The following GFRA2 variants were observed in gnomAD, a reference collection of about 807,000 sequenced individuals.
GFRA2 encodes GDNF family receptor alpha 2.
GFRA2 carries 17 observed loss-of-function variants against 48.3 expected under a neutral mutation model. The ratio of observed to expected loss-of-function variants is 0.35; its 90% CI spans 0.24 to 0.53. GFRA2 has a LOEUF of 0.53. Ranked by LOEUF, GFRA2 falls within the 20% of genes least tolerant of loss-of-function variation. The probability of loss-of-function intolerance (pLI) is 0.93; values close to 1 mark genes in which losing one functional copy is unlikely to be tolerated. For synonymous variants in GFRA2, 305 were observed against 257.2 expected (o/e 1.19, Z -1.78); for missense variants, 660 against 637.3 (o/e 1.04, Z -0.38).
chr8:21,810,866 C>A (rs1807965578), intron 1 of GFRA2, among the ~76,000 whole-genome samples: 1 of 152,160 alleles, frequency 6.6e-6, no homozygotes, highest in African/African-American at 2.4e-5. Flanking sequence ...AACCAAGCAA[C>A]CCCCACAACC....
upstream of GFRA2, chr8:21,790,245 G>C (rs2117100197): frequency 5.0e-6 from 1 of 201,218 alleles, no homozygotes; most frequent in African/African-American, 2.4e-5. Flanking sequence ...GGCATCCCCC[G>C]GCCCTCGCGC....
In GFRA2 at chr8:21,705,073, C is replaced by T. The variant is rs1303387948; in HGVS notation, c.957G>A (p.Val319=). 2 of 1,611,068 alleles carry T rather than the reference C, an allele frequency of 1.2e-6. No homozygotes were observed. Among genetic ancestry groups the T allele is most frequent in the East Asian group, 2.2e-5 (1 of 44,850 alleles). The change falls in exon 6 of 9, where the codon GTG becomes GTA. Residue 319 remains valine (V), a synonymous_variant. Transcript: ENST00000524240. ...YVDSSPTGIV[V]SPWCSCRGSG... is the part of the protein sequence containing the mutation. ...TGCCACGACAGCTGCACCAGGGGGA[C>T]ACCACGATGCCAGTGGGGCTGGAGT... is the stretch of plus-strand genomic sequence containing the variant.
In GFRA2 at chr8:21,782,912, G is replaced by A; in HGVS notation, c.41-13C>T. 6.5e-7 allele frequency: 1 copy of A among 1,543,536 alleles called. No individual in the cohort carries two copies. The highest frequency in any genetic ancestry group is 8.7e-7 in the Non-Finnish European group (1 of 1,150,802). ...CGGAGGGTCTCGTCTGGGTGGTGGG[G>A]AGGGAAGACAAGCATGAATGACGGC... is the stretch of plus-strand genomic sequence containing the variant. On this transcript the variant is annotated splice_polypyrimidine_tract_variant and intron_variant, in intron 1 of 8. Transcript: ENST00000524240.
chr8:21,702,029 G>T (rs1217595066), intron 7 of GFRA2, among the ~76,000 whole-genome samples: 1 of 152,170 alleles, frequency 6.6e-6, no homozygotes. Flanking sequence ...GGTAGAGTCT[G>T]GAGGACCTGA....
At chr8:21,738,065 G>A (rs1476288836) in intron 4 of GFRA2, among the ~76,000 whole-genome samples, 2 of 151,776 alleles carry the variant, frequency 1.3e-5, no homozygotes, top group Non-Finnish European at 2.9e-5. Context: ...ATTTCCTCTT[G>A]CATGTTCCAA....
chr8:21,766,649 T>C (rs190000988), intron 3 of GFRA2, among the ~76,000 whole-genome samples: 2 of 150,760 alleles, frequency 1.3e-5, no homozygotes, highest in Admixed American at 6.6e-5. Flanking sequence ...CCTCTTTCCA[T>C]GGCTCCCCTA....
At chr8:21,805,283 T>C (rs1287708968) in intron 1 of GFRA2, among the ~76,000 whole-genome samples, 3 of 152,244 alleles carry the variant, frequency 2.0e-5, no homozygotes, top group Non-Finnish European at 4.4e-5. Flanking sequence ...CTATCATAAA[T>C]TGCTTTATAC....
At chr8:21,732,331 G>A (rs1201900605) in intron 4 of GFRA2, among the ~76,000 whole-genome samples, 4 of 152,254 alleles carry the variant, frequency 2.6e-5, no homozygotes, top group Non-Finnish European at 4.4e-5. Flanking sequence ...AGCTGAAGAT[G>A]CCCAGGGCCT....
intron 4 of GFRA2, among the ~76,000 whole-genome samples, chr8:21,745,312 G>C (rs991871759): frequency 6.6e-6 from 1 of 152,204 alleles, no homozygotes; most frequent in Admixed American, 6.5e-5. Context: ...CCCTCAGCAG[G>C]AGGAGGGACC....
chr8:21,760,563 T>A (rs1805855834), intron 3 of GFRA2, among the ~76,000 whole-genome samples: 1 of 152,212 alleles, frequency 6.6e-6, no homozygotes, highest in Non-Finnish European at 1.5e-5. Context: ...AGAGGCAGAA[T>A]GAAATGGACT....
At chr8:21,730,016 G>A (rs887628656) in intron 4 of GFRA2, among the ~76,000 whole-genome samples, 1 of 152,114 alleles carries the variant, frequency 6.6e-6, no homozygotes, top group Non-Finnish European at 1.5e-5. Context: ...AGGAGCTGCA[G>A]GGTGGACCTC....
In GFRA2 at chr8:21,690,626, T is replaced by G. The variant is rs908551514; in HGVS notation, c.*2652A>C. 2 of 152,220 alleles carry G rather than the reference T, an allele frequency of 1.3e-5. No homozygotes were observed. The highest frequency in any genetic ancestry group is 4.8e-5 in the African/African-American group (2 of 41,450). The allele number at this position is 152,220 out of a possible 1,614,324, so 9.4% of individuals were successfully genotyped here. A position where few individuals can be genotyped will look rare whatever the true frequency, so the allele number is the denominator to read the frequency against. On this transcript the variant is annotated 3_prime_UTR_variant, in exon 9 of 9. Coordinates refer to ENST00000524240, the MANE Select transcript of GFRA2 (RefSeq NM_001495.5). ...TTGGGAAATTTTCTCTCCCCCATGA[T>G]GTAGCCTAAGGGCTTACCTCCTATT...
chr8:21,768,537 C>T (rs1366930579), intron 3 of GFRA2, among the ~76,000 whole-genome samples: 1 of 152,164 alleles, frequency 6.6e-6, no homozygotes, highest in African/African-American at 2.4e-5. Context: ...CCAAGGAGAG[C>T]AGGGGGTGCC....
At chr8:21,800,757 T>C (rs1431461316) in intron 2 of GFRA2, among the ~76,000 whole-genome samples, 7 of 152,092 alleles carry the variant, frequency 4.6e-5, no homozygotes, top group Non-Finnish European at 8.8e-5. Flanking sequence ...AGACCCCATC[T>C]CTATACAAAT....
chr8:21,776,618 G>A (rs1175322229), intron 2 of GFRA2, among the ~76,000 whole-genome samples: 10 of 151,876 alleles, frequency 6.6e-5, no homozygotes, highest in African/African-American at 1.9e-4. Flanking sequence ...TTACAGGCAC[G>A]TGCCACCATG....
chr8:21,719,333 T>C (rs750839310), intron 4 of GFRA2, among the ~76,000 whole-genome samples: 6 of 152,032 alleles, frequency 3.9e-5, no homozygotes, highest in Non-Finnish European at 5.9e-5. Flanking sequence ...AGACCGCCAT[T>C]GGATACACTC....
At chr8:21,784,403 C>A (rs1489951168) in intron 1 of GFRA2, 1 of 453,914 alleles carries the variant, frequency 2.2e-6, no homozygotes, top group Non-Finnish European at 4.4e-6. Flanking sequence ...ATAATAAAAT[C>A]CTAGGCCAGA....
chr8:21,751,353 A>C (rs1563246884), intron 3 of GFRA2, among the ~76,000 whole-genome samples: 1 of 152,208 alleles, frequency 6.6e-6, no homozygotes, highest in Non-Finnish European at 1.5e-5. Context: ...GGACACTGGC[A>C]TTTGGGGTCA....
At chr8:21,701,368 T>C (rs56289313) in intron 7 of GFRA2, among the ~76,000 whole-genome samples, 58 of 152,306 alleles carry the variant, frequency 3.8e-4, no homozygotes, top group African/African-American at 1.3e-3. Flanking sequence ...CACTCCAGCC[T>C]GGGCGAGACT....
Sources: allele counts gnomAD v4.1 joint callset (sites outside exome capture counted in the v4.1 genomes callset), GRCh38; gene constraint gnomAD v4.1.1; transcripts MANE v1.5; gene names NCBI Gene and HGNC (gene_info 2026-07-23, HGNC 2026-07-21).